DAB1: variants seen among roughly 807,000 people sequenced by gnomAD.
DAB1 encodes the protein disabled homolog 1.
Under a neutral mutation model 64.6 loss-of-function variants are expected in DAB1, and 15 were observed. The ratio of observed to expected loss-of-function variants is 0.23; its 90% CI spans 0.16 to 0.36. DAB1 has a LOEUF of 0.36. Ranked by LOEUF, DAB1 falls within the 10% of genes least tolerant of loss-of-function variation. The pLI is 1.00. For missense variants in DAB1, 596 were observed against 706.7 expected, an observed-to-expected ratio of 0.84 and a Z score of 1.78; for synonymous variants, 235 against 251.9, an observed-to-expected ratio of 0.93 and a Z score of 0.64.
chr1:57,153,623 GTTTT>G (rs55813762), intron 2 of DAB1, among the ~76,000 whole-genome samples: 1 of 147,988 alleles, frequency 6.8e-6, no homozygotes, highest in East Asian at 2.0e-4. Context: ...TATGTATGGG[GTTTT>G]TTTTTTGTTT....
At chr1:57,416,141 A>G (rs1297887398) in intron 1 of DAB1, among the ~76,000 whole-genome samples, 3 of 152,156 alleles carry the variant, frequency 2.0e-5, no homozygotes, top group African/African-American at 7.2e-5. Context: ...ATATTCTGCC[A>G]TTCACTCTAC....
intron 1 of DAB1, among the ~76,000 whole-genome samples, chr1:57,868,571 T>G (rs1421216016): frequency 6.6e-6 from 1 of 152,104 alleles, no homozygotes; most frequent in African/African-American, 2.4e-5. Context: ...TTTAGGATAT[T>G]TTACAGCCCA....
intron 1 of DAB1, among the ~76,000 whole-genome samples, chr1:57,313,071 A>G (rs1216116634): frequency 6.6e-6 from 1 of 152,194 alleles, no homozygotes; most frequent in Non-Finnish European, 1.5e-5. Flanking sequence ...ATCCAGGAGC[A>G]GATGGGGTGC....
At chr1:57,751,495 C>G (rs1180653301) in intron 6 of DAB1, among the ~76,000 whole-genome samples, 1 of 152,116 alleles carries the variant, frequency 6.6e-6, no homozygotes, top group Non-Finnish European at 1.5e-5. Flanking sequence ...CCAGTCCTTA[C>G]AGTAAATCTG....
At chr1:57,696,436 C>T (rs1381276362) in intron 6 of DAB1, among the ~76,000 whole-genome samples, 1 of 152,036 alleles carries the variant, frequency 6.6e-6, no homozygotes. Context: ...GTTGGGAAAA[C>T]CCTTGAAAAT....
intron 5 of DAB1, chr1:58,048,914 T>G: frequency 1.1e-6 from 1 of 894,726 alleles, no homozygotes. Context: ...TTTTTCCAAC[T>G]GTTAAAAATA....
At chr1:57,814,271 A>G (rs1651755917) in intron 6 of DAB1, among the ~76,000 whole-genome samples, 2 of 152,224 alleles carry the variant, frequency 1.3e-5, no homozygotes, top group Non-Finnish European at 1.5e-5. Flanking sequence ...AAGTACAGAT[A>G]TAGTCTATAA....
chr1:57,514,140 TA>T (rs1644437160), intron 7 of DAB1, among the ~76,000 whole-genome samples: 1 of 152,374 alleles, frequency 6.6e-6, no homozygotes, highest in Middle Eastern at 3.4e-3. Context: ...ACTGCTATGA[TA>T]AACATAGAAG....
chr1:57,621,224 T>C (rs1207874053), intron 7 of DAB1, among the ~76,000 whole-genome samples: 2 of 149,554 alleles, frequency 1.3e-5, no homozygotes, highest in South Asian at 2.2e-4. Context: ...AGAGAATTCA[T>C]GAGCTTGAGT....
rs531639576 is a variant in DAB1 at position 57,635,158 on chromosome 1, A to G, written n.625+14434T>C. Among the ~76,000 whole-genome samples the G allele has an allele frequency of 1.4e-4, 22 of 152,326 alleles. No homozygotes were observed. In the South Asian group the frequency reaches 3.9e-3, roughly 27 times the overall value. On this transcript the variant is annotated intron_variant and non_coding_transcript_variant, in intron 7 of 20. Coordinates refer to the DAB1 transcript ENST00000485760. ...GTTATGAACTGAAATGTGTCTCCCCAAATTCACAAGTTTAAGCCCCAATGC... is the reference window on the plus strand; with the variant it reads ...GTTATGAACTGAAATGTGTCTCCCCGAATTCACAAGTTTAAGCCCCAATGC...
chr1:58,037,410 A>C (rs1248922307), intron 5 of DAB1, among the ~76,000 whole-genome samples: 1 of 152,136 alleles, frequency 6.6e-6, no homozygotes, highest in African/African-American at 2.4e-5. Context: ...GTGGCCAGTT[A>C]GGAACTGGGC....
At chr1:57,952,382 A>G (rs1332596399) in intron 5 of DAB1, among the ~76,000 whole-genome samples, 4 of 152,174 alleles carry the variant, frequency 2.6e-5, no homozygotes, top group Admixed American at 1.3e-4. Context: ...CCATCCAGAC[A>G]GCCCAACAGC....
intron 6 of DAB1, among the ~76,000 whole-genome samples, chr1:57,651,837 G>T (rs1272845245): frequency 6.6e-6 from 1 of 152,128 alleles, no homozygotes; most frequent in East Asian, 1.9e-4. Context: ...CATATTTGTT[G>T]TTAGTGAAAC....
chr1:58,345,855 C>A (rs978174914), intron 3 of DAB1, among the ~76,000 whole-genome samples: 1 of 152,138 alleles, frequency 6.6e-6, no homozygotes, highest in Non-Finnish European at 1.5e-5. Flanking sequence ...TCACCTCTGA[C>A]CTTAGGCTTC....
At chr1:58,409,669 C>G (rs338906) in intron 3 of DAB1, among the ~76,000 whole-genome samples, 23,596 of 152,178 alleles carry the variant, frequency 0.16, 2,322 homozygotes, top group Non-Finnish European at 0.22. Flanking sequence ...TTGGGACCAT[C>G]CTTCTCCTCT....
At chr1:58,409,140 ACT>A (rs896019751) in intron 3 of DAB1, among the ~76,000 whole-genome samples, 1 of 151,734 alleles carries the variant, frequency 6.6e-6, no homozygotes, top group African/African-American at 2.4e-5. Context: ...ATCCACAAAA[ACT>A]CTGTTAAGTA....
chr1:57,523,943 A>G (rs1558459998), intron 7 of DAB1, among the ~76,000 whole-genome samples: 3 of 152,138 alleles, frequency 2.0e-5, no homozygotes. Context: ...AGAAAAAGAA[A>G]CAAAAAAGGA....
intron 1 of DAB1, among the ~76,000 whole-genome samples, chr1:57,844,703 T>C (rs1653202904): frequency 6.6e-6 from 1 of 152,146 alleles, no homozygotes; most frequent in Non-Finnish European, 1.5e-5. Flanking sequence ...CTGGGTTCTG[T>C]CAAAGGGAAG....
At chr1:57,467,656 TG>T (rs1392031088) in intron 7 of DAB1, among the ~76,000 whole-genome samples, 1 of 152,150 alleles carries the variant, frequency 6.6e-6, no homozygotes, top group Non-Finnish European at 1.5e-5. Flanking sequence ...CTAGATCATT[TG>T]CTGTACATCC....
Sources: allele counts gnomAD v4.1 joint callset (sites outside exome capture counted in the v4.1 genomes callset), GRCh38; gene constraint gnomAD v4.1.1; transcripts MANE v1.5; gene names NCBI Gene and HGNC (gene_info 2026-07-23, HGNC 2026-07-21).